ROBO1: variants seen among roughly 807,000 people sequenced by gnomAD.
ROBO1 encodes roundabout guidance receptor 1, also known as roundabout homolog 1.
A neutral mutation model predicts 195.9 loss-of-function variants in ROBO1; 149 were observed. The observed-to-expected ratio is 0.76, with a 90% CI of 0.67 to 0.87. The LOEUF is 0.87. Ranked by LOEUF, ROBO1 falls within the 40% of genes least tolerant of loss-of-function variation. The probability of loss-of-function intolerance (pLI) is 0.00; values close to 1 mark genes in which losing one functional copy is unlikely to be tolerated. For synonymous variants in ROBO1, 816 were observed against 733.2 expected, an observed-to-expected ratio of 1.11 and a Z score of -1.82; for missense variants, 1,933 against 2,068.3, an observed-to-expected ratio of 0.93 and a Z score of 1.27.
chr3:79,471,434 A>C (rs1372335244), intron 2 of ROBO1, among the ~76,000 whole-genome samples: 2 of 152,160 alleles, frequency 1.3e-5, no homozygotes, highest in Non-Finnish European at 2.9e-5. Context: ...AATTTCTATC[A>C]ATATCAGATA....
At chr3:79,757,487 T>TTC (rs368104447) in intron 1 of ROBO1, among the ~76,000 whole-genome samples, 2,371 of 145,456 alleles carry the variant, frequency 0.016, 38 homozygotes, top group South Asian at 0.031. Flanking sequence ...CTTTCTTTCT[T>TTC]TCTCTCTCTC....
chr3:79,479,908 AC>A (rs1938746730), intron 2 of ROBO1, among the ~76,000 whole-genome samples: 1 of 152,192 alleles, frequency 6.6e-6, no homozygotes, highest in Non-Finnish European at 1.5e-5. Context: ...AACTCAGGCC[AC>A]CTTAACATGG....
intron 5 of ROBO1, among the ~76,000 whole-genome samples, chr3:78,745,051 T>C (rs1299463324): frequency 1.3e-5 from 2 of 152,130 alleles, no homozygotes; most frequent in Non-Finnish European, 2.9e-5. Context: ...GGCTCATGCC[T>C]GTAATCCCAG....
chr3:79,226,825 G>A (rs1348600528), intron 2 of ROBO1, among the ~76,000 whole-genome samples: 5 of 152,028 alleles, frequency 3.3e-5, no homozygotes, highest in African/African-American at 1.2e-4. Context: ...GGGATTACAG[G>A]CATGAGCCAC....
chr3:79,174,855 C>CA (rs796987730), intron 2 of ROBO1, among the ~76,000 whole-genome samples: 3,419 of 74,156 alleles, frequency 0.046, 66 homozygotes, highest in Non-Finnish European at 0.057. Context: ...GACTCCGCCT[C>CA]AAAAAAAAAA....
intron 2 of ROBO1, among the ~76,000 whole-genome samples, chr3:79,129,211 C>T (rs1221735302): frequency 3.9e-5 from 6 of 152,118 alleles, no homozygotes; most frequent in Non-Finnish European, 8.8e-5. Flanking sequence ...ACATATTTTA[C>T]ATAAATATTA....
At position 78,730,576 on chromosome 3, in the gene ROBO1, G is replaced by A. The variant is rs2082263693; in HGVS notation, c.658-12693C>T. Among the ~76,000 whole-genome samples, 3 of 152,010 alleles carry A rather than the reference G, an allele frequency of 2.0e-5. 1 individual carries two copies. The highest frequency in any genetic ancestry group is 2.9e-5 in the Non-Finnish European group (2 of 67,978). ...TTCTGTGGTATTTTAATCCCAAAGAGTCAAAGGAGAAAAAGAAGAGCTTGC... is the reference window on the plus strand; with the variant it reads ...TTCTGTGGTATTTTAATCCCAAAGAATCAAAGGAGAAAAAGAAGAGCTTGC... On this transcript the variant is annotated intron_variant, in intron 5 of 30. Coordinates refer to ENST00000464233, the MANE Select transcript of ROBO1 (RefSeq NM_002941.4).
At chr3:79,063,797 A>G (rs2078960460) in intron 3 of ROBO1, among the ~76,000 whole-genome samples, 1 of 151,902 alleles carries the variant, frequency 6.6e-6, no homozygotes, top group Admixed American at 6.6e-5. Flanking sequence ...AATTGGATAG[A>G]AATAGGCAAA....
rs1193202610 is a variant in ROBO1 at position 78,610,692 on chromosome 3, G to A, written c.4436-3651C>T. ...CATGAGACAAAATCTGTTACTAGAT[G>A]TTCTAGATAGGTGTTATTTATAACA... On this transcript the variant is annotated intron_variant, in intron 28 of 30. Transcript: ENST00000464233. Among the ~76,000 whole-genome samples, 5 of 152,134 alleles carry A rather than the reference G, an allele frequency of 3.3e-5. No individual in the cohort carries two copies. The East Asian group carries it at 9.7e-4, about 29-fold the overall frequency.
chr3:78,901,208 T>C, intron 4 of ROBO1, among the ~76,000 whole-genome samples: 1 of 152,180 alleles, frequency 6.6e-6, no homozygotes. Flanking sequence ...ATCACATTCA[T>C]GTCTTCCAGC....
intron 1 of ROBO1, among the ~76,000 whole-genome samples, chr3:79,609,507 T>C (rs1944590205): frequency 6.6e-6 from 1 of 151,970 alleles, no homozygotes; most frequent in Non-Finnish European, 1.5e-5. Flanking sequence ...TCTGGGTATT[T>C]AGCTAAAATA....
intron 2 of ROBO1, among the ~76,000 whole-genome samples, chr3:79,567,547 T>A (rs1164563652): frequency 6.6e-6 from 1 of 151,806 alleles, no homozygotes; most frequent in African/African-American, 2.4e-5. Context: ...CTTCCTGGTA[T>A]TAATTATTCA....
chr3:78,754,559 T>C (rs2082879320), intron 4 of ROBO1, among the ~76,000 whole-genome samples: 1 of 152,176 alleles, frequency 6.6e-6, no homozygotes, highest in Admixed American at 6.5e-5. Context: ...TCCCCTAGTA[T>C]TTCCAGTGCC....
At chr3:79,128,295 C>G (rs1328373516) in intron 2 of ROBO1, among the ~76,000 whole-genome samples, 1 of 152,128 alleles carries the variant, frequency 6.6e-6, no homozygotes, top group African/African-American at 2.4e-5. Context: ...TAGAAACACA[C>G]TGTCACTAGA....
At chr3:79,711,786 C>G (rs1702285467) in intron 1 of ROBO1, among the ~76,000 whole-genome samples, 2 of 152,044 alleles carry the variant, frequency 1.3e-5, no homozygotes. Flanking sequence ...TGTCATTGTT[C>G]TTACATTATG....
intron 2 of ROBO1, among the ~76,000 whole-genome samples, chr3:79,201,568 A>C (rs1448957244): frequency 6.6e-6 from 1 of 151,998 alleles, no homozygotes; most frequent in Admixed American, 6.6e-5. Context: ...AAGCTGCTTA[A>C]GCAGTATCTC....
At chr3:79,151,037 G>A (rs116737245) in intron 2 of ROBO1, among the ~76,000 whole-genome samples, 2,953 of 151,852 alleles carry the variant, frequency 0.019, 77 homozygotes, top group African/African-American at 0.063. Flanking sequence ...TACTGTTCAC[G>A]TGGTAATGAA....
chr3:78,788,440 TA>T lies in ROBO1; in HGVS notation c.500-41541del, dbSNP rs35773751. Reference sequence around the variant, plus strand: ...GCCTCTCTTTTCTTTTTTTTTTTTTTAAAAAAAAAAAAAAAAAAAAAAGATT... The same window carrying T: ...GCCTCTCTTTTCTTTTTTTTTTTTTTAAAAAAAAAAAAAAAAAAAAAGATT... On this transcript the variant is annotated intron_variant, in intron 4 of 30. Coordinates refer to ENST00000464233, the MANE Select transcript of ROBO1 (RefSeq NM_002941.4). Among the ~76,000 whole-genome samples the T allele has an allele frequency of 4.6e-3, 352 of 75,768 alleles. 2 individuals carry two copies. Among genetic ancestry groups the T allele is most frequent in the African/African-American group, 0.016 (302 of 19,154 alleles). The allele number at this position is 75,768 out of a possible 152,430, so 49.7% of individuals were successfully genotyped here.
At chr3:79,740,747 T>C (rs1315130061) in intron 1 of ROBO1, among the ~76,000 whole-genome samples, 1 of 152,156 alleles carries the variant, frequency 6.6e-6, no homozygotes, top group African/African-American at 2.4e-5. Context: ...AACCAAAGCA[T>C]ATCAAATACT....
Sources: gnomAD v4.1 joint callset for allele counts (sites outside exome capture counted in the v4.1 genomes callset) on GRCh38, gnomAD v4.1.1 for gene constraint, MANE v1.5 for transcripts, NCBI Gene and HGNC (gene_info 2026-07-23, HGNC 2026-07-21) for gene names.